The following FAM153A variants were observed in gnomAD, a reference collection of about 807,000 sequenced individuals.
The protein encoded by FAM153A is family with sequence similarity 153 member A.
A neutral mutation model predicts 48.1 loss-of-function variants in FAM153A; 12 were observed. The observed-to-expected ratio is 0.25, with a 90% CI of 0.16 to 0.40. The LOEUF (loss-of-function observed/expected upper bound fraction) is 0.40, where lower values mean the gene tolerates loss of function less well. Among genes scored for constraint, FAM153A ranks in the 10% least tolerant of loss-of-function variants. FAM153A has a pLI of 1.00. For synonymous variants in FAM153A, 36 were observed against 118.2 expected, an observed-to-expected ratio of 0.30 and a Z score of 4.51; for missense variants, 111 against 345.8, an observed-to-expected ratio of 0.32 and a Z score of 5.38.
chr5:177,713,988 A>G (rs1462305383), intron 25 of FAM153A: 1 of 151,892 alleles, frequency 6.6e-6, no homozygotes, highest in East Asian at 1.9e-4. Context: ...AAAAATCCTT[A>G]ACCAAAACAT....
intron 1 of FAM153A, among the ~76,000 whole-genome samples, chr5:177,752,458 TA>T (rs1263014023): frequency 9.3e-5 from 12 of 128,836 alleles, no homozygotes; most frequent in Non-Finnish European, 1.6e-4. Flanking sequence ...CTGTCTCTAC[TA>T]AAAATACAAA....
At chr5:177,699,671 C>T in the FAM153A span, among the ~76,000 whole-genome samples, 1 of 152,238 alleles carries the variant, frequency 6.6e-6, no homozygotes, top group African/African-American at 2.4e-5. Context: ...AGTGGAAAAT[C>T]TGAAAGATGT....
At position 177,772,948 on chromosome 5, in the gene FAM153A, A is replaced by G. The variant is rs920038894; in HGVS notation, c.-57+7501T>C. 5.8e-4 allele frequency among the ~76,000 whole-genome samples: 14 copies of G among 24,008 alleles called. 2 individuals are homozygous for G. The East Asian group carries it at 0.01, about 18-fold the overall frequency. The allele number at this position is 24,008 out of a possible 152,430, so 15.8% of individuals were successfully genotyped here. A position where few individuals can be genotyped will look rare whatever the true frequency, so the allele number is the denominator to read the frequency against. On this transcript the variant is annotated intron_variant, in intron 1 of 8. Coordinates refer to the FAM153A transcript ENST00000393518. ...GACTGCCTCCTCAAGTGGGTCCCTG[A>G]CCCCTGACCCCCGAGCAGCCTAACT...
At chr5:177,712,326 G>C (rs1758610259) in exon 27 of FAM153A, 2 of 151,948 alleles carry the variant, frequency 1.3e-5, no homozygotes, top group African/African-American at 2.4e-5. Flanking sequence ...ATAAAAATTT[G>C]CTGGGAGTGG....
exon 27 of FAM153A, chr5:177,711,338 C>G (rs1278515624): frequency 3.3e-5 from 5 of 151,872 alleles, no homozygotes; most frequent in African/African-American, 1.2e-4. Context: ...GTTATCAGGA[C>G]AAGACCATGT....
At chr5:177,694,876 C>A in the FAM153A span, among the ~76,000 whole-genome samples, 1 of 150,878 alleles carries the variant, frequency 6.6e-6, no homozygotes, top group Admixed American at 6.6e-5. Context: ...TAGGACTCCA[C>A]ATAATCCAGG....
rs59312087 is a variant in FAM153A at position 177,716,964 on chromosome 5, AGTGTGTGTGTGTGT to A, written c.*1151+185_*1151+198del. On this transcript the variant is annotated intron_variant and NMD_transcript_variant, in intron 24 of 26. Transcript: ENST00000360669. Reference sequence around the variant, plus strand: ...CAGTAGCATGCCACCATTCCCGCTTAGTGTGTGTGTGTGTGTGTGTGTGTGTGTGTGTGTGTAGA... The same window carrying A: ...CAGTAGCATGCCACCATTCCCGCTTAGTGTGTGTGTGTGTGTGTGTGTAGA... Among the ~76,000 whole-genome samples the A allele has an allele frequency of 5.5e-5, 7 of 127,730 alleles. No individual in the cohort carries two copies. The South Asian group carries it at 8.1e-4, about 15-fold the overall frequency. 83.8% of individuals were successfully genotyped at this position (127,730 alleles called of 152,430 possible).
At chr5:177,737,710 G>C (rs538877266) in intron 10 of FAM153A, among the ~76,000 whole-genome samples, 1 of 151,452 alleles carries the variant, frequency 6.6e-6, no homozygotes, top group African/African-American at 2.4e-5. Flanking sequence ...AGGAGAGATG[G>C]GTTTTCTCCA....
chr5:177,701,419 A>G, the FAM153A span, among the ~76,000 whole-genome samples: 1 of 151,522 alleles, frequency 6.6e-6, no homozygotes, highest in Non-Finnish European at 1.5e-5. Context: ...CAAAAAATCA[A>G]CCAGCTGTGG....
At chr5:177,713,930 CA>C in intron 25 of FAM153A, 1 of 151,960 alleles carries the variant, frequency 6.6e-6, no homozygotes, top group East Asian at 1.9e-4. Context: ...TTCAGAAATA[CA>C]AGACTCAGAT....
the FAM153A span, among the ~76,000 whole-genome samples, chr5:177,697,080 A>C: frequency 6.6e-6 from 1 of 151,840 alleles, no homozygotes; most frequent in East Asian, 1.9e-4. Flanking sequence ...ATAAATATGG[A>C]TGTCCCCTCA....
intron 1 of FAM153A, among the ~76,000 whole-genome samples, chr5:177,759,388 C>G (rs1298093707): frequency 6.6e-6 from 1 of 151,804 alleles, no homozygotes; most frequent in Non-Finnish European, 1.5e-5. Flanking sequence ...CTAGTTCAAC[C>G]ATTGTGGAAG....
At chr5:177,757,691 G>A (rs1207941331), upstream of FAM153A, among the ~76,000 whole-genome samples, 5 of 151,474 alleles carry the variant, frequency 3.3e-5, no homozygotes, top group East Asian at 1.9e-4. Context: ...ATCAATAAAC[G>A]TAATCCAGCA....
At chr5:177,710,173 C>A (rs1393289468), downstream of FAM153A, among the ~76,000 whole-genome samples, 4 of 150,594 alleles carry the variant, frequency 2.7e-5, 1 homozygote, top group African/African-American at 9.9e-5. Context: ...AGTGCAATAG[C>A]ATGATCTCGG....
chr5:177,746,449 G>A (rs2127674592), intron 4 of FAM153A, among the ~76,000 whole-genome samples: 1 of 148,920 alleles, frequency 6.7e-6, no homozygotes, highest in Non-Finnish European at 1.5e-5. Context: ...ATGAGCCACC[G>A]TCTCCAGCCA....
intron 16 of FAM153A, among the ~76,000 whole-genome samples, chr5:177,730,235 G>T (rs1417161067): frequency 2.1e-4 from 23 of 110,522 alleles, no homozygotes; most frequent in East Asian, 3.5e-4. Context: ...GCAGCGAGGG[G>T]GTGCGGGGGG....
downstream of FAM153A, among the ~76,000 whole-genome samples, chr5:177,704,309 G>C: frequency 1.4e-5 from 1 of 69,504 alleles, no homozygotes; most frequent in South Asian, 8.2e-4. Flanking sequence ...GGACCATGGA[G>C]GCGGTTTCTC....
At position 177,730,488 on chromosome 5, in the gene FAM153A, C is replaced by CTG. The variant is rs1168756893; in HGVS notation, c.863-935_863-934dup. Among the ~76,000 whole-genome samples the CTG allele has an allele frequency of 6.7e-5, 8 of 120,036 alleles. 3 individuals carry two copies. The highest frequency in any genetic ancestry group is 1.3e-4 in the Non-Finnish European group (7 of 53,378). The allele number at this position is 120,036 out of a possible 152,430, so 78.7% of individuals were successfully genotyped here. A position where few individuals can be genotyped will look rare whatever the true frequency, so the allele number is the denominator to read the frequency against. On this transcript the variant is annotated intron_variant, in intron 16 of 20. Transcript: ENST00000614127. The stretch of plus-strand genomic sequence containing the variant: ...GACCTCAACACTGTAGTCCAAAAGC[C>CTG]TGAGGACTCTGTGTGTTTGACATTA...
At chr5:177,751,423 G>A (rs1487453157) in intron 1 of FAM153A, among the ~76,000 whole-genome samples, 4 of 143,378 alleles carry the variant, frequency 2.8e-5, no homozygotes, top group Non-Finnish European at 4.5e-5. Flanking sequence ...GGTAAGAAGA[G>A]TTAAATGGAC....
Sources: gnomAD v4.1 joint callset for allele counts (sites outside exome capture counted in the v4.1 genomes callset) on GRCh38, gnomAD v4.1.1 for gene constraint, MANE v1.5 for transcripts, NCBI Gene and HGNC (gene_info 2026-07-23, HGNC 2026-07-21) for gene names.